RARRES1: variants seen among roughly 807,000 people sequenced by gnomAD.
RARRES1 encodes retinoic acid receptor responder protein 1.
A neutral mutation model predicts 30.6 loss-of-function variants in RARRES1; 34 were observed. The ratio of observed to expected loss-of-function variants is 1.11; its 90% confidence interval spans 0.84 to 1.48. RARRES1 has a LOEUF of 1.48. Ranked by LOEUF, RARRES1 falls within the 40% of genes most tolerant of loss-of-function variation. The pLI is 0.00. For missense variants in RARRES1, 373 were observed against 386.5 expected (o/e 0.97, Z 0.29); for synonymous variants, 153 against 155.5 (o/e 0.98, Z 0.12).
chr3:158,697,976 G>C lies in RARRES1; in HGVS notation c.673-6C>G. Reference sequence around the variant, plus strand: ...ATTGTATCATCATTAGTTTTCTAGAGGGAGAAAAAAGAGTTAGTGTAATAA... The same window carrying C: ...ATTGTATCATCATTAGTTTTCTAGACGGAGAAAAAAGAGTTAGTGTAATAA... On this transcript the variant is annotated splice_region_variant and splice_polypyrimidine_tract_variant and intron_variant, in intron 4 of 5. Transcript: ENST00000237696. The C allele has an allele frequency of 6.7e-7, 1 of 1,499,376 alleles. No individual in the cohort carries two copies. The highest frequency in any genetic ancestry group is 9.2e-7 in the Non-Finnish European group (1 of 1,083,796). The allele number at this position is 1,499,376 out of a possible 1,614,324, so 92.9% of individuals were successfully genotyped here.
intron 1 of RARRES1, among the ~76,000 whole-genome samples, chr3:158,716,791 C>A (rs1271740255): frequency 6.6e-6 from 1 of 152,102 alleles, no homozygotes; most frequent in Non-Finnish European, 1.5e-5. Flanking sequence ...ACCGTGTTGC[C>A]CAGGCTGGTT....
intron 4 of RARRES1, 191 bp from the exon 5 acceptor site, chr3:158,698,161 G>A: frequency 1.8e-6 from 1 of 552,584 alleles, no homozygotes; most frequent in South Asian, 2.3e-5. Context: ...TTGTCACTGA[G>A]TTATATGAAA....
At chr3:158,716,310 A>T (rs1727320718) in intron 1 of RARRES1, among the ~76,000 whole-genome samples, 1 of 152,220 alleles carries the variant, frequency 6.6e-6, no homozygotes, top group Admixed American at 6.5e-5. Flanking sequence ...CCCAGGGAAG[A>T]TGTGTAGAAT....
chr3:158,732,064 G>A (rs1394486546), intron 1 of RARRES1, 76 bp downstream of exon 1: 1 of 1,231,760 alleles, frequency 8.1e-7, no homozygotes, highest in African/African-American at 1.6e-5. Flanking sequence ...CGGCAGGCGC[G>A]CGTACCCAGG....
chr3:158,721,869 A>T (rs977936653), intron 1 of RARRES1, among the ~76,000 whole-genome samples: 2 of 151,984 alleles, frequency 1.3e-5, no homozygotes, highest in Non-Finnish European at 2.9e-5. Context: ...GGTGGGGCAG[A>T]TCACCTGAGG....
rs1726596013 is a variant in RARRES1, at chr3:158,697,835, A to G, written c.736-8T>C. ...GCGACAGGGAATTATTTCCTAGGAA[A>G]TAGAGTTATAAAATATTATAATCTG... On this transcript the variant is annotated splice_region_variant and splice_polypyrimidine_tract_variant and intron_variant, in intron 5 of 5. Transcript: ENST00000237696. The G allele has an allele frequency of 6.2e-7, 1 of 1,605,950 alleles. No homozygotes were observed. The highest frequency in any genetic ancestry group is 1.3e-5 in the African/African-American group (1 of 74,706).
At chr3:158,700,309 A>T (rs1239536436) in intron 4 of RARRES1, among the ~76,000 whole-genome samples, 1 of 151,862 alleles carries the variant, frequency 6.6e-6, no homozygotes, top group Non-Finnish European at 1.5e-5. Context: ...TGAAAATGGC[A>T]TTTCTGAAGG....
intron 3 of RARRES1, among the ~76,000 whole-genome samples, chr3:158,706,786 T>C (rs1006327070): frequency 9.2e-5 from 14 of 152,130 alleles, no homozygotes; most frequent in African/African-American, 2.4e-4. Context: ...GGACAGAAAG[T>C]GGGAACGTTT....
chr3:158,731,340 A>T (rs976547949), intron 1 of RARRES1, among the ~76,000 whole-genome samples: 1 of 152,192 alleles, frequency 6.6e-6, no homozygotes, highest in Non-Finnish European at 1.5e-5. Context: ...GAATATCTGG[A>T]GGTTGTAGAA....
At chr3:158,720,273 TGAGAGAGAGA>T (rs968371151) in intron 1 of RARRES1, among the ~76,000 whole-genome samples, 1 of 144,452 alleles carries the variant, frequency 6.9e-6, no homozygotes, top group Non-Finnish European at 1.5e-5. Flanking sequence ...TGTATGTGTG[TGAGAGAGAGA>T]GAGAGAGAGA....
chr3:158,698,489 C>T (rs1448175273), intron 4 of RARRES1, among the ~76,000 whole-genome samples: 2 of 152,156 alleles, frequency 1.3e-5, no homozygotes, highest in Admixed American at 6.5e-5. Context: ...GAATTCCAAC[C>T]CAGATCTACT....
At chr3:158,707,749 G>C (rs768166750) in intron 3 of RARRES1, among the ~76,000 whole-genome samples, 4 of 152,180 alleles carry the variant, frequency 2.6e-5, no homozygotes, top group Non-Finnish European at 5.9e-5. Context: ...TCAGCACTTG[G>C]AGAAATCTTT....
intron 1 of RARRES1, among the ~76,000 whole-genome samples, chr3:158,726,008 A>G (rs1727672228): frequency 6.6e-6 from 1 of 152,186 alleles, no homozygotes. Flanking sequence ...TCTTGCAAAT[A>G]TCCCCCTCCC....
chr3:158,730,887 G>A (rs1291207144), intron 1 of RARRES1, among the ~76,000 whole-genome samples: 3 of 152,086 alleles, frequency 2.0e-5, no homozygotes, highest in Admixed American at 6.6e-5. Context: ...AAGTTCAAGC[G>A]ATTCTCCTGC....
chr3:158,709,589 A>G (rs1349906669), intron 3 of RARRES1, among the ~76,000 whole-genome samples: 2 of 152,166 alleles, frequency 1.3e-5, no homozygotes, highest in Admixed American at 1.3e-4. Context: ...GTTTTTAAGG[A>G]CATTTAGTCT....
intron 1 of RARRES1, among the ~76,000 whole-genome samples, chr3:158,730,394 T>TCCTTCCTTCCTTCCTG (rs1727840191): frequency 2.0e-5 from 2 of 98,712 alleles, no homozygotes; most frequent in Admixed American, 9.5e-5. Flanking sequence ...CTTCCTTCCT[T>TCCTTCCTTCCTTCCTG]CCTTCCTTCC....
chr3:158,705,624 G>C (rs2108133796), intron 3 of RARRES1: 1 of 152,092 alleles, frequency 6.6e-6, no homozygotes, highest in East Asian at 1.9e-4. Context: ...TTTTAATTAG[G>C]TTCAAAAGTC....
intron 2 of RARRES1, 95 bp downstream of exon 2, chr3:158,713,702 C>T (rs777211924): frequency 2.0e-5 from 24 of 1,227,702 alleles, no homozygotes; most frequent in Non-Finnish European, 2.8e-5. Context: ...CAAAAGCAAA[C>T]CTCCAGATCA....
At chr3:158,726,020 G>A (rs748318262) in intron 1 of RARRES1, among the ~76,000 whole-genome samples, 4 of 152,196 alleles carry the variant, frequency 2.6e-5, no homozygotes, top group South Asian at 2.1e-4. Context: ...CCCCCTCCCT[G>A]CTGTTCTTTC....
Sources: gnomAD v4.1 joint callset for allele counts (sites outside exome capture counted in the v4.1 genomes callset) on GRCh38, gnomAD v4.1.1 for gene constraint, MANE v1.5 for transcripts, NCBI Gene and HGNC (gene_info 2026-07-23, HGNC 2026-07-21) for gene names.